Variants in DNAH5 observed in about 807,000 individuals in gnomAD.
DNAH5 encodes the protein dynein axonemal heavy chain 5, also known as axonemal beta dynein heavy chain 5.
A neutral mutation model predicts 518.2 loss-of-function variants in DNAH5; 372 were observed. The observed-to-expected ratio is 0.72, with a 90% CI of 0.66 to 0.78. DNAH5 has a LOEUF of 0.78. DNAH5 is among the 30% of genes least tolerant of loss of function. The probability of loss-of-function intolerance (pLI) is 0.00; values close to 1 mark genes in which losing one functional copy is unlikely to be tolerated. For synonymous variants in DNAH5, 2,039 were observed against 2,025.9 expected (o/e 1.01, Z -0.17); for missense variants, 5,523 against 5,687.0 (o/e 0.97, Z 0.93).
chr5:14,010,572 G>T (rs979202422), intron 1 of DNAH5, among the ~76,000 whole-genome samples: 5 of 152,066 alleles, frequency 3.3e-5, no homozygotes, highest in Non-Finnish European at 5.9e-5. Context: ...GACAGAAAAT[G>T]AGAACAGTCA....
chr5:13,890,172 C>T (rs1295901054), intron 17 of DNAH5, among the ~76,000 whole-genome samples: 1 of 152,072 alleles, frequency 6.6e-6, no homozygotes, highest in African/African-American at 2.4e-5. Flanking sequence ...TTTGGGAGGC[C>T]GAGGCAGGCA....
chr5:13,853,868 CTA>C (rs1767236413), intron 30 of DNAH5, among the ~76,000 whole-genome samples: 1 of 151,940 alleles, frequency 6.6e-6, no homozygotes, highest in Admixed American at 6.6e-5. Flanking sequence ...AAATATGAGA[CTA>C]TGTGAAAAGA....
chr5:13,899,879 C>T (rs1774350335), intron 15 of DNAH5: 2 of 313,158 alleles, frequency 6.4e-6, no homozygotes, highest in Admixed American at 4.7e-5. Flanking sequence ...CGCTGATACC[C>T]CTCGTCCCTC....
chr5:13,846,995 G>A (rs988227519), intron 31 of DNAH5, among the ~76,000 whole-genome samples: 2 of 152,068 alleles, frequency 1.3e-5, no homozygotes, highest in African/African-American at 2.4e-5. Context: ...ACAGTAGCCC[G>A]GTCTGATTCT....
intron 47 of DNAH5, 21 bp from the exon 48 acceptor site, chr5:13,794,079 G>C (rs1410220628): frequency 6.2e-7 from 1 of 1,613,714 alleles, no homozygotes; most frequent in South Asian, 1.1e-5. Flanking sequence ...AAAATCAACT[G>C]AAACATCTGT....
In DNAH5 at chr5:13,793,373, C is replaced by G. The variant is rs1460339818; in HGVS notation, c.8224+142G>C. On this transcript the variant is annotated intron_variant, in intron 49 of 78. Coordinates refer to ENST00000265104, the MANE Select transcript of DNAH5 (RefSeq NM_001369.3). ...ATCAATCCCTATAGGAAATGAAATA[C>G]ACTGCTTGAGAGTGATGGAGGCTGT... 5 of 716,758 alleles carry G rather than the reference C, an allele frequency of 7.0e-6. No individual in the cohort carries two copies. The East Asian group carries it at 1.3e-4, about 19-fold the overall frequency. The allele number at this position is 716,758 out of a possible 1,614,324, so 44.4% of individuals were successfully genotyped here.
intron 1 of DNAH5, among the ~76,000 whole-genome samples, chr5:13,950,071 G>GTTA (rs914882359): frequency 3.2e-4 from 48 of 152,300 alleles, no homozygotes; most frequent in African/African-American, 1.2e-3. Flanking sequence ...TAACTGCAAT[G>GTTA]TTATCTTAAT....
chr5:13,898,584 G>A, intron 15 of DNAH5: 2 of 398,560 alleles, frequency 5.0e-6, no homozygotes. Context: ...TTGTAGCTAT[G>A]AGACCTTTGC....
chr5:13,872,296 C>T lies in DNAH5; in HGVS notation c.3397-531G>A, dbSNP rs192324650. Among the ~76,000 whole-genome samples, 9 of 152,030 alleles carry T rather than the reference C, an allele frequency of 5.9e-5. 1 individual carries two copies. The East Asian group carries it at 7.7e-4, about 13-fold the overall frequency. On this transcript the variant is annotated intron_variant, in intron 22 of 78. Coordinates refer to ENST00000265104, the MANE Select transcript of DNAH5 (RefSeq NM_001369.3). Reference sequence around the variant, plus strand: ...GGCATGAAGGACAAACAGAAAATAGCGAGCATCACTTCAATGAGAGATTGC... The same window carrying T: ...GGCATGAAGGACAAACAGAAAATAGTGAGCATCACTTCAATGAGAGATTGC...
chr5:13,769,675 A>C, intron 56 of DNAH5, 60 bp from the exon 57 acceptor site: 33 of 1,366,708 alleles, frequency 2.4e-5, no homozygotes, highest in East Asian at 4.6e-5. Flanking sequence ...TGCAATTCTC[A>C]AGTACTGGTC....
chr5:13,812,490 G>A (rs542901333), intron 43 of DNAH5, among the ~76,000 whole-genome samples: 4 of 152,098 alleles, frequency 2.6e-5, no homozygotes, highest in South Asian at 2.1e-4. Context: ...AATTTTTGTC[G>A]AGACAGGGTT....
chr5:13,941,549 G>A (rs1419397494), intron 1 of DNAH5, among the ~76,000 whole-genome samples: 1 of 152,164 alleles, frequency 6.6e-6, no homozygotes, highest in African/African-American at 2.4e-5. Flanking sequence ...CAGAGAATGA[G>A]AAAACTGACA....
intron 35 of DNAH5, among the ~76,000 whole-genome samples, chr5:13,832,870 T>G (rs979620871): frequency 2.1e-4 from 32 of 152,162 alleles, no homozygotes; most frequent in African/African-American, 7.7e-4. Context: ...CAGGGCTCAT[T>G]AGCACTCGAA....
intron 43 of DNAH5, among the ~76,000 whole-genome samples, chr5:13,813,569 T>C (rs1761015210): frequency 6.6e-6 from 1 of 152,180 alleles, no homozygotes; most frequent in African/African-American, 2.4e-5. Flanking sequence ...TGATTACTTT[T>C]GCAAAAACAG....
intron 76 of DNAH5, among the ~76,000 whole-genome samples, chr5:13,702,561 G>A (rs942071162): frequency 6.6e-6 from 1 of 152,130 alleles, no homozygotes; most frequent in Non-Finnish European, 1.5e-5. Flanking sequence ...GGTAGGGAAG[G>A]AACTCCCAAT....
At position 13,690,911 on chromosome 5, in the gene DNAH5, G is replaced by A. The variant is rs562393427; in HGVS notation, c.*1073C>T. 6.6e-6 allele frequency: 1 copy of A among 151,900 alleles called. No individual in the cohort carries two copies. The highest frequency in any genetic ancestry group is 2.1e-4 in the South Asian group (1 of 4,804). The allele number at this position is 151,900 out of a possible 1,614,324, so 9.4% of individuals were successfully genotyped here. A position where few individuals can be genotyped will look rare whatever the true frequency, so the allele number is the denominator to read the frequency against. ...AACTATAATTCTTGCTATCACATCT[G>A]TTCTTATTTTTCTATCTTGCCATCT... On this transcript the variant is annotated 3_prime_UTR_variant, in exon 79 of 79. Transcript: ENST00000265104.
intron 1 of DNAH5, among the ~76,000 whole-genome samples, chr5:13,964,631 G>A (rs1781411123): frequency 6.6e-6 from 1 of 152,150 alleles, no homozygotes; most frequent in African/African-American, 2.4e-5. Flanking sequence ...CTGATTCCAA[G>A]TCCCAGATCA....
intron 1 of DNAH5, among the ~76,000 whole-genome samples, 181 bp downstream of exon 1, chr5:13,944,201 T>A (rs1346876174): frequency 6.6e-6 from 1 of 152,230 alleles, no homozygotes; most frequent in East Asian, 1.9e-4. Context: ...ATGCAAAATT[T>A]TTTTTATTTA....
chr5:13,931,331 T>A, intron 1 of DNAH5, 87 bp from the exon 2 acceptor site: 2 of 1,564,066 alleles, frequency 1.3e-6, no homozygotes, highest in Middle Eastern at 1.8e-4. Flanking sequence ...TTGTTGTTTT[T>A]TCAAGTCTTA....
Sources: allele counts gnomAD v4.1 joint callset (sites outside exome capture counted in the v4.1 genomes callset), GRCh38; gene constraint gnomAD v4.1.1; transcripts MANE v1.5; gene names NCBI Gene and HGNC (gene_info 2026-07-23, HGNC 2026-07-21).